The following BNC2 variants were observed in gnomAD, a reference collection of about 807,000 sequenced individuals.
BNC2 encodes zinc finger protein basonuclin-2.
In BNC2, 20 loss-of-function variants were observed where a neutral mutation model predicts 76.3. The observed-to-expected ratio is 0.26, with a 90% CI of 0.18 to 0.38. The LOEUF (loss-of-function observed/expected upper bound fraction) is 0.38. BNC2 is among the 10% of genes least tolerant of loss of function. BNC2 has a pLI of 1.00. For missense variants in BNC2, 1,382 were observed against 1,399.8 expected (o/e 0.99, Z 0.20); for synonymous variants, 582 against 514.8 (o/e 1.13, Z -1.77).
chr9:16,557,282 C>T (rs1014567404), intron 4 of BNC2, among the ~76,000 whole-genome samples: 2 of 152,066 alleles, frequency 1.3e-5, no homozygotes, highest in African/African-American at 2.4e-5. Context: ...GCGAATAACC[C>T]GAGGTCAGGA....
intron 3 of BNC2, among the ~76,000 whole-genome samples, chr9:16,691,805 A>C (rs1587320751): frequency 1.0e-5 from 1 of 100,210 alleles, no homozygotes; most frequent in East Asian, 3.1e-4. Context: ...CACTGTGCCC[A>C]GCCATTTTTT....
intron 1 of BNC2, among the ~76,000 whole-genome samples, chr9:16,754,262 G>A (rs183557905): frequency 2.0e-5 from 3 of 152,208 alleles, no homozygotes; most frequent in African/African-American, 7.2e-5. Flanking sequence ...GTCCCTGAGC[G>A]CCATTTCTAC....
intron 1 of BNC2, among the ~76,000 whole-genome samples, chr9:16,777,727 G>C (rs888572745): frequency 1.4e-5 from 2 of 147,916 alleles, no homozygotes; most frequent in Admixed American, 1.3e-4. Flanking sequence ...AGAACTGTTA[G>C]GATGTAAAAA....
intron 4 of BNC2, among the ~76,000 whole-genome samples, chr9:16,555,969 T>G (rs565011490): frequency 2.0e-4 from 31 of 152,206 alleles, no homozygotes; most frequent in South Asian, 6.2e-4. Context: ...CATACACAGA[T>G]AAGACTTAAA....
At chr9:16,687,219 T>A (rs533025055) in intron 3 of BNC2, among the ~76,000 whole-genome samples, 2 of 151,972 alleles carry the variant, frequency 1.3e-5, no homozygotes, top group African/African-American at 2.4e-5. Context: ...TAAAAAAAAA[T>A]GTAATAACTA....
Position 16,558,968 on chromosome 9 carries a change from GGTCGGTGTTCAACTAAAA to G in BNC2, c.434-6221_434-6204del, listed in dbSNP as rs1818926854. 4.6e-5 allele frequency among the ~76,000 whole-genome samples: 7 copies of G among 151,724 alleles called. No homozygotes were observed. The South Asian group carries it at 1.5e-3, about 32-fold the overall frequency. The stretch of plus-strand genomic sequence containing the variant: ...AAAAAAAAAGTAATTTCAAAGTAGT[GGTCGGTGTTCAACTAAAA>G]GTATGTTAGTTCCAGGCTGAATGCA... On this transcript the variant is annotated intron_variant, in intron 4 of 6. Transcript: ENST00000380672.
In BNC2 at chr9:16,727,842, T is replaced by C. The variant is rs763339716; in HGVS notation, c.285A>G (p.Thr95=). ...AGAGGTTAGTATCAGCGTTTTGCCATGTCCCCATGAACCCTGGTTCAGCCG... is the reference window on the plus strand; with the variant it reads ...AGAGGTTAGTATCAGCGTTTTGCCACGTCCCCATGAACCCTGGTTCAGCCG... ...TTTAEPGFMG[T]WQNADTNLLF... Residue 95 remains threonine (T), a synonymous_variant, in exon 3 of 7, where the codon ACA becomes ACG. Transcript: ENST00000380672. 1.2e-6 allele frequency: 2 copies of C among 1,614,198 alleles called. No homozygotes were observed. Among genetic ancestry groups the C allele is most frequent in the South Asian group, 1.1e-5 (1 of 91,086 alleles).
At chr9:16,649,685 T>C (rs1224125528) in intron 3 of BNC2, among the ~76,000 whole-genome samples, 1 of 152,190 alleles carries the variant, frequency 6.6e-6, no homozygotes, top group Admixed American at 6.5e-5. Flanking sequence ...GCACAATCTA[T>C]AAGAGAAAGG....
intron 1 of BNC2, among the ~76,000 whole-genome samples, chr9:16,851,146 T>A (rs1213824053): frequency 6.6e-6 from 1 of 152,142 alleles, no homozygotes; most frequent in Non-Finnish European, 1.5e-5. Context: ...TTCAAATTTA[T>A]TAATCCTGTC....
At chr9:16,644,673 G>A (rs1428060038) in intron 3 of BNC2, among the ~76,000 whole-genome samples, 14 of 152,170 alleles carry the variant, frequency 9.2e-5, no homozygotes, top group Non-Finnish European at 2.1e-4. Context: ...GCATAAGACA[G>A]TTAACACAGT....
At chr9:16,809,355 T>A (rs993196298) in intron 1 of BNC2, among the ~76,000 whole-genome samples, 1 of 152,076 alleles carries the variant, frequency 6.6e-6, no homozygotes, top group Non-Finnish European at 1.5e-5. Flanking sequence ...AGCTCAATTT[T>A]TTTTTATGGA....
intron 5 of BNC2, among the ~76,000 whole-genome samples, chr9:16,494,789 A>G (rs1031589121): frequency 5.3e-5 from 8 of 152,040 alleles, no homozygotes; most frequent in African/African-American, 1.7e-4. Context: ...ATGAGAACAC[A>G]TGGACACAGG....
At chr9:16,860,698 T>C (rs547740009) in intron 1 of BNC2, among the ~76,000 whole-genome samples, 2 of 152,234 alleles carry the variant, frequency 1.3e-5, no homozygotes, top group African/African-American at 4.8e-5. Context: ...AATTGATAAA[T>C]TAGACTTCAT....
intron 1 of BNC2, among the ~76,000 whole-genome samples, chr9:16,750,861 A>G (rs77752340): frequency 0.023 from 3,464 of 152,330 alleles, 122 homozygotes; most frequent in African/African-American, 0.078. Flanking sequence ...AATGAACACA[A>G]GATGAATAAA....
chr9:16,421,351 G>C, intron 6 of BNC2: 1 of 1,135,266 alleles, frequency 8.8e-7, no homozygotes, highest in South Asian at 1.3e-5. Flanking sequence ...GAAAGAAAGA[G>C]AAAGAGAGAG....
chr9:16,518,946 T>C (rs915730543), intron 5 of BNC2, among the ~76,000 whole-genome samples: 1 of 152,226 alleles, frequency 6.6e-6, no homozygotes, highest in Non-Finnish European at 1.5e-5. Context: ...GTCTTTATCA[T>C]ATAGTTTGGT....
intron 1 of BNC2, among the ~76,000 whole-genome samples, chr9:16,822,025 G>A (rs1419219093): frequency 2.7e-5 from 4 of 150,554 alleles, no homozygotes; most frequent in East Asian, 2.0e-4. Flanking sequence ...CCCGGAAAGC[G>A]GAGCCTGCAG....
At chr9:16,524,432 TC>T (rs1203439886) in intron 5 of BNC2, among the ~76,000 whole-genome samples, 1 of 151,872 alleles carries the variant, frequency 6.6e-6, no homozygotes, top group African/African-American at 2.4e-5. Context: ...TCTGACAAGT[TC>T]CCTAAGGAAA....
intron 1 of BNC2, among the ~76,000 whole-genome samples, chr9:16,764,005 C>A (rs1825623408): frequency 6.6e-6 from 1 of 152,144 alleles, no homozygotes; most frequent in Non-Finnish European, 1.5e-5. Flanking sequence ...CCTTTACTAC[C>A]TATTTATTTG....
Sources: allele counts gnomAD v4.1 joint callset (sites outside exome capture counted in the v4.1 genomes callset), GRCh38; gene constraint gnomAD v4.1.1; transcripts MANE v1.5; gene names NCBI Gene and HGNC (gene_info 2026-07-23, HGNC 2026-07-21).